SLC41A3: variants seen among roughly 807,000 people sequenced by gnomAD.
SLC41A3 encodes the protein solute carrier family 41 member 3.
In SLC41A3, 44 loss-of-function variants were observed where a neutral mutation model predicts 45.4. The observed-to-expected ratio is 0.97, with a 90% confidence interval of 0.76 to 1.25. The LOEUF is 1.25. Among genes scored for constraint, SLC41A3 ranks in the 50% most tolerant of loss-of-function variants. The probability of loss-of-function intolerance (pLI) is 0.00; values close to 1 mark genes in which losing one functional copy is unlikely to be tolerated. For synonymous variants in SLC41A3, 256 were observed against 252.4 expected, an observed-to-expected ratio of 1.01 and a Z score of -0.13; for missense variants, 550 against 600.6, an observed-to-expected ratio of 0.92 and a Z score of 0.88.
intron 1 of SLC41A3, among the ~76,000 whole-genome samples, chr3:126,098,940 T>A (rs1945657046): frequency 7.0e-6 from 1 of 143,360 alleles, no homozygotes; most frequent in African/African-American, 2.5e-5. Context: ...TTTTTTTTTT[T>A]TTTTTTTGTA....
chr3:126,046,370 C>CAT (rs960545225), intron 3 of SLC41A3, among the ~76,000 whole-genome samples: 1 of 152,074 alleles, frequency 6.6e-6, no homozygotes, highest in African/African-American at 2.4e-5. Context: ...CACACACACA[C>CAT]ACACACACAC....
At chr3:126,088,083 G>A (rs886569794), upstream of SLC41A3, among the ~76,000 whole-genome samples, 2 of 151,968 alleles carry the variant, frequency 1.3e-5, no homozygotes, top group African/African-American at 2.4e-5. Context: ...CCTTTTGTTG[G>A]TTCCTGTAAC....
chr3:126,095,372 G>A (rs996479380), intron 1 of SLC41A3: 1 of 520,384 alleles, frequency 1.9e-6, no homozygotes, highest in Non-Finnish European at 3.4e-6. Flanking sequence ...CCCACCGGAG[G>A]ACAGATCAAG....
chr3:126,092,890 C>T (rs1432314770), intron 1 of SLC41A3, among the ~76,000 whole-genome samples: 1 of 152,178 alleles, frequency 6.6e-6, no homozygotes, highest in Non-Finnish European at 1.5e-5. Context: ...AAAGCTAAAG[C>T]AGCAAAGGAG....
chr3:126,069,157 T>C (rs905221267), intron 1 of SLC41A3, among the ~76,000 whole-genome samples: 1 of 146,278 alleles, frequency 6.8e-6, no homozygotes. Flanking sequence ...AGGCCACCAA[T>C]GGATAGTGCC....
intron 1 of SLC41A3, among the ~76,000 whole-genome samples, chr3:126,082,379 C>T (rs551183011): frequency 8.9e-4 from 135 of 152,302 alleles, no homozygotes; most frequent in African/African-American, 3.2e-3. Flanking sequence ...TTGGTTGTCC[C>T]GACAGGGGGT....
chr3:126,033,477 C>G, intron 4 of SLC41A3, 130 bp downstream of exon 4: 1 of 947,994 alleles, frequency 1.1e-6, no homozygotes, highest in Non-Finnish European at 1.6e-6. Flanking sequence ...GTGGGAGGGA[C>G]AGGTAGCTAC....
intron 3 of SLC41A3, among the ~76,000 whole-genome samples, chr3:126,042,724 CAG>C (rs1318152286): frequency 2.0e-5 from 3 of 151,804 alleles, no homozygotes; most frequent in African/African-American, 7.3e-5. Context: ...AAGAACCAAA[CAG>C]AAATACTGGA....
chr3:126,061,280 C>T (rs564714333), intron 2 of SLC41A3, among the ~76,000 whole-genome samples: 32 of 152,294 alleles, frequency 2.1e-4, no homozygotes, highest in African/African-American at 7.7e-4. Context: ...TTATTTTCTG[C>T]TTCTGATCTC....
At chr3:126,083,693 A>T (rs1400166733) in intron 1 of SLC41A3, among the ~76,000 whole-genome samples, 1 of 151,868 alleles carries the variant, frequency 6.6e-6, no homozygotes, top group Non-Finnish European at 1.5e-5. Flanking sequence ...GAAGGAGGAG[A>T]CAGGGCCGCT....
At chr3:126,017,853 C>A (rs1468117861) in intron 6 of SLC41A3, among the ~76,000 whole-genome samples, 1 of 152,194 alleles carries the variant, frequency 6.6e-6, no homozygotes, top group Admixed American at 6.5e-5. Context: ...AGACAAGGTA[C>A]TTTATGGTAG....
intron 3 of SLC41A3, among the ~76,000 whole-genome samples, chr3:126,037,871 C>G (rs1215209930): frequency 6.6e-6 from 1 of 152,310 alleles, no homozygotes; most frequent in Admixed American, 6.5e-5. Flanking sequence ...CCCCTCCCAT[C>G]ACAGGTCCAG....
intron 3 of SLC41A3, among the ~76,000 whole-genome samples, chr3:126,035,433 G>C (rs534678972): frequency 3.8e-4 from 58 of 152,290 alleles, no homozygotes; most frequent in Middle Eastern, 3.4e-3. Context: ...CAGGAGCTGC[G>C]GGTTTGGGTG....
chr3:126,020,529 C>G (rs1332547035), intron 6 of SLC41A3, among the ~76,000 whole-genome samples: 3 of 152,136 alleles, frequency 2.0e-5, no homozygotes, highest in Admixed American at 2.0e-4. Context: ...AAGAGTTCAC[C>G]AGGTAAACCA....
At chr3:126,078,429 C>A (rs1173938004) in intron 1 of SLC41A3, among the ~76,000 whole-genome samples, 2 of 152,112 alleles carry the variant, frequency 1.3e-5, no homozygotes, top group Non-Finnish European at 2.9e-5. Flanking sequence ...CTGGGAGGAA[C>A]CCGTACCACA....
intron 4 of SLC41A3, among the ~76,000 whole-genome samples, chr3:126,032,756 G>C (rs536843398): frequency 6.6e-6 from 1 of 152,130 alleles, no homozygotes; most frequent in Admixed American, 6.5e-5. Flanking sequence ...ACCCAGGTGC[G>C]GGATAAAGTA....
intron 10 of SLC41A3, among the ~76,000 whole-genome samples, chr3:126,007,592 G>C (rs1939234321): frequency 6.6e-6 from 1 of 152,148 alleles, no homozygotes. Context: ...TGGAGGTTAG[G>C]ACAGTCAGCC....
intron 2 of SLC41A3, among the ~76,000 whole-genome samples, chr3:126,062,140 T>C (rs1944104293): frequency 1.3e-5 from 2 of 152,222 alleles, no homozygotes; most frequent in Admixed American, 1.3e-4. Flanking sequence ...GCTTCTCCTT[T>C]ACACAGGCCA....
intron 1 of SLC41A3, chr3:126,095,101 C>A: frequency 3.5e-6 from 2 of 570,640 alleles, no homozygotes; most frequent in South Asian, 4.7e-5. Context: ...AGCAGAACAA[C>A]TGATTTGGTG....
Sources: allele counts gnomAD v4.1 joint callset (sites outside exome capture counted in the v4.1 genomes callset), GRCh38; gene constraint gnomAD v4.1.1; transcripts MANE v1.5; gene names NCBI Gene and HGNC (gene_info 2026-07-23, HGNC 2026-07-21).